The following KLHDC8A variants were observed in gnomAD, a reference collection of about 807,000 sequenced individuals.
The protein encoded by KLHDC8A is kelch domain-containing protein 8A.
A neutral mutation model predicts 33.1 loss-of-function variants in KLHDC8A; 21 were observed. The observed-to-expected ratio is 0.64, with a 90% CI of 0.45 to 0.91. KLHDC8A has a LOEUF of 0.91. Ranked by LOEUF, KLHDC8A falls within the 40% of genes least tolerant of loss-of-function variation. The pLI is 0.00. For synonymous variants in KLHDC8A, 173 were observed against 193.5 expected (o/e 0.89, Z 0.88); for missense variants, 435 against 483.3 (o/e 0.90, Z 0.94).
intron 1 of KLHDC8A, chr1:205,351,526 G>A: frequency 1.6e-6 from 1 of 623,552 alleles, no homozygotes; most frequent in Non-Finnish European, 3.0e-6. Context: ...CATAGGTCCT[G>A]TTTTACTATG....
chr1:205,351,280 T>C (rs1663097558), intron 1 of KLHDC8A: 3 of 850,046 alleles, frequency 3.5e-6, no homozygotes, highest in Admixed American at 3.4e-5. Flanking sequence ...GCTGAAAAAA[T>C]TTATGGACAA....
chr1:205,343,419 C>A lies in KLHDC8A; in HGVS notation c.186G>T (p.Leu62Phe), dbSNP rs888859588. ...YSPEADQWTA[L>F]PRLPTARAGV... is the part of the protein sequence containing the mutation. ...CCGCCCGGGCTGTGGGCAGCCGGGG[C>A]AAGGCGGTCCACTGGTCGGCCTCCG... The change falls in exon 2 of 6, where the codon TTG (leucine) becomes TTT (phenylalanine). Residue 62 changes from leucine (L) to phenylalanine (F), a missense_variant. By Grantham distance (22) the Leu-to-Phe change is conservative. Transcript: ENST00000367155. 2 of 1,613,344 alleles carry A rather than the reference C, an allele frequency of 1.2e-6. No individual in the cohort carries two copies. The highest frequency in any genetic ancestry group is 1.7e-6 in the Non-Finnish European group (2 of 1,179,806).
Position 205,343,622 on chromosome 1 carries a change from C to T in KLHDC8A, c.-18G>A, listed in dbSNP as rs2102286494. 1.9e-6 allele frequency: 3 copies of T among 1,550,640 alleles called. No individual in the cohort carries two copies. Among genetic ancestry groups the T allele is most frequent in the Non-Finnish European group, 2.6e-6 (3 of 1,146,352 alleles). Reference sequence around the variant, plus strand: ...ACCTCCATGGCAGCCTTGGGGAGCGCCCGGGCGCCGGGAGAGGTGCGAGCG... The same window carrying T: ...ACCTCCATGGCAGCCTTGGGGAGCGTCCGGGCGCCGGGAGAGGTGCGAGCG... On this transcript the variant is annotated 5_prime_UTR_variant, in exon 2 of 6. Coordinates refer to ENST00000367155, the MANE Select transcript of KLHDC8A (RefSeq NM_018203.3).
intron 1 of KLHDC8A, among the ~76,000 whole-genome samples, chr1:205,352,741 G>A (rs1663151406): frequency 6.6e-6 from 1 of 152,364 alleles, no homozygotes; most frequent in Middle Eastern, 3.4e-3. Flanking sequence ...GCAGGTGGGT[G>A]TGTACCTGAG....
At chr1:205,351,599 AGT>A in intron 1 of KLHDC8A, 9 of 288,608 alleles carry the variant, frequency 3.1e-5, no homozygotes, top group African/African-American at 9.9e-5. Flanking sequence ...CTTCTGTAAT[AGT>A]CAAAAAAAAA....
intron 1 of KLHDC8A, among the ~76,000 whole-genome samples, chr1:205,346,136 T>A (rs888793079): frequency 6.6e-6 from 1 of 152,250 alleles, no homozygotes; most frequent in Non-Finnish European, 1.5e-5. Flanking sequence ...AGTAAGCACC[T>A]CTAGAACCTT....
chr1:205,349,393 T>A (rs1408052089), intron 1 of KLHDC8A, among the ~76,000 whole-genome samples: 1 of 152,194 alleles, frequency 6.6e-6, no homozygotes, highest in Non-Finnish European at 1.5e-5. Flanking sequence ...GGGTATCCAT[T>A]AACGAATGCA....
intron 1 of KLHDC8A, chr1:205,348,323 G>C (rs1447022050): frequency 6.6e-6 from 1 of 151,856 alleles, no homozygotes; most frequent in Non-Finnish European, 1.5e-5. Context: ...GGAGGGAAGA[G>C]GAGTTGTTTA....
intron 1 of KLHDC8A, among the ~76,000 whole-genome samples, chr1:205,349,515 A>C (rs1406830168): frequency 6.6e-6 from 1 of 152,044 alleles, no homozygotes; most frequent in Non-Finnish European, 1.5e-5. Context: ...TCGTTTTCAG[A>C]CTCAGGAGTT....
intron 5 of KLHDC8A, among the ~76,000 whole-genome samples, chr1:205,338,271 G>A (rs549165098): frequency 6.6e-5 from 10 of 152,300 alleles, no homozygotes; most frequent in Admixed American, 2.0e-4. Context: ...TTCTCTCTGC[G>A]TCACAGTTTC....
In KLHDC8A at chr1:205,337,291, C is replaced by T; in HGVS notation, c.*108G>A. On this transcript the variant is annotated 3_prime_UTR_variant, in exon 6 of 6. Transcript: ENST00000367155. ...AAGGCCAGACTCCACTGGTTGCTAA[C>T]AGGAGCTGACATTCTTGGAAGTAGC... is the stretch of plus-strand genomic sequence containing the variant. The T allele has an allele frequency of 1.1e-6, 1 of 889,872 alleles. No individual in the cohort carries two copies. The highest frequency in any genetic ancestry group is 1.5e-5 in the South Asian group (1 of 66,314). 55.1% of individuals were successfully genotyped at this position (889,872 alleles called of 1,614,324 possible).
rs559459256 is a variant in KLHDC8A at position 205,352,708 on chromosome 1, C to G, written c.-190+3825G>C. On this transcript the variant is annotated intron_variant, in intron 1 of 5. Coordinates refer to ENST00000367155, the MANE Select transcript of KLHDC8A (RefSeq NM_018203.3). ...TGGGTGAATCAAAGGATCTGCCTGT[C>G]CTCATCACTCGGCACTCCTGGGGCA... Among the ~76,000 whole-genome samples, 4 of 152,314 alleles carry G rather than the reference C, an allele frequency of 2.6e-5. No individual in the cohort carries two copies. In the South Asian group the frequency reaches 6.2e-4, roughly 24 times the overall value.
intron 1 of KLHDC8A, among the ~76,000 whole-genome samples, chr1:205,355,581 A>G (rs1234890495): frequency 6.6e-6 from 1 of 152,324 alleles, no homozygotes; most frequent in South Asian, 2.1e-4. Context: ...TAACAAGTAT[A>G]TGGTGCTCAA....
At position 205,354,389 on chromosome 1, in the gene KLHDC8A, G is replaced by T. The variant is rs186879114; in HGVS notation, c.-190+2144C>A. Among the ~76,000 whole-genome samples, 486 of 152,278 alleles carry T rather than the reference G, an allele frequency of 3.2e-3. 1 individual carries two copies. The highest frequency in any genetic ancestry group is 0.011 in the African/African-American group (463 of 41,544). On this transcript the variant is annotated intron_variant, in intron 1 of 5. Transcript: ENST00000367155. ...TAAGGCACTTCAGTTCATCTCAGGGGTGATGGACAGCAGCAATGCTTGGTA... is the reference window on the plus strand; with the variant it reads ...TAAGGCACTTCAGTTCATCTCAGGGTTGATGGACAGCAGCAATGCTTGGTA...
At chr1:205,347,501 A>C (rs926972609) in intron 1 of KLHDC8A, among the ~76,000 whole-genome samples, 2 of 152,170 alleles carry the variant, frequency 1.3e-5, no homozygotes, top group African/African-American at 4.8e-5. Flanking sequence ...AGGTGATTAC[A>C]TGAGTCCAGG....
rs142880274 is a variant in KLHDC8A, at chr1:205,338,575, C to T, written c.779G>A (p.Arg260Gln). ...MEQGGWLKME[R>Q]SFFLKKRRAD... ...CCGCCGCTTCTTGAGGAAGAACGATCGTTCCATCTTCAGCCATCCCCCTAT... is the reference window on the plus strand; with the variant it reads ...CCGCCGCTTCTTGAGGAAGAACGATTGTTCCATCTTCAGCCATCCCCCTAT... The change falls in exon 5 of 6, where the codon CGA becomes CAA. Residue 260 changes from arginine (R) to glutamine (Q), a missense_variant. Physicochemically the swap from Arg to Gln is conservative, Grantham distance 43. Transcript: ENST00000367155. 143 of 1,614,144 alleles carry T rather than the reference C, an allele frequency of 8.9e-5. No homozygotes were observed. Among genetic ancestry groups the T allele is most frequent in the Middle Eastern group, 6.6e-4 (4 of 6,062 alleles).
chr1:205,339,869 CCAG>C lies in KLHDC8A; in HGVS notation c.377-64_377-62del, dbSNP rs1558684567. The C allele has an allele frequency of 1.3e-6, 2 of 1,527,772 alleles. No individual in the cohort carries two copies. Among genetic ancestry groups the C allele is most frequent in the Non-Finnish European group, 1.8e-6 (2 of 1,120,562 alleles). The allele number at this position is 1,527,772 out of a possible 1,614,324, so 94.6% of individuals were successfully genotyped here. A position where few individuals can be genotyped will look rare whatever the true frequency, so the allele number is the denominator to read the frequency against. On this transcript the variant is annotated intron_variant, in intron 2 of 5. Coordinates refer to ENST00000367155, the MANE Select transcript of KLHDC8A (RefSeq NM_018203.3). This position sits in a 1 kb window ranked among gnomAD's most constrained non-coding sequence, Gnocchi z 5.1. ...TCACAGGTACAGCAAGACAGGCCCA[CCAG>C]CATCTATTGCCTCCCATGGCCAGGC... is the stretch of plus-strand genomic sequence containing the variant.
At chr1:205,354,401 A>T (rs1469558746) in intron 1 of KLHDC8A, among the ~76,000 whole-genome samples, 1 of 152,248 alleles carries the variant, frequency 6.6e-6, no homozygotes, top group Non-Finnish European at 1.5e-5. Flanking sequence ...GATGGACAGC[A>T]GCAATGCTTG....
chr1:205,344,032 T>A (rs1484120473), intron 1 of KLHDC8A: 1 of 157,044 alleles, frequency 6.4e-6, no homozygotes, highest in African/African-American at 2.4e-5. Flanking sequence ...TGCCGGGCAG[T>A]CCCCGGGCGG....
Sources: gnomAD v4.1 joint callset for allele counts (sites outside exome capture counted in the v4.1 genomes callset) on GRCh38, gnomAD v4.1.1 for gene constraint, Gnocchi (gnomAD v3.1) non-coding constraint, MANE v1.5 for transcripts, NCBI Gene and HGNC (gene_info 2026-07-23, HGNC 2026-07-21) for gene names.